The following AKAP12 variants were observed in gnomAD, a reference collection of about 807,000 sequenced individuals.
The protein encoded by AKAP12 is A-kinase anchor protein 12.
Under a neutral mutation model 79.9 loss-of-function variants are expected in AKAP12, and 32 were observed. That is an observed-to-expected ratio of 0.40 (90% CI 0.30 to 0.54). The LOEUF (loss-of-function observed/expected upper bound fraction) is 0.54, where lower values mean the gene tolerates loss of function less well. Ranked by LOEUF, AKAP12 falls within the 20% of genes least tolerant of loss-of-function variation. The pLI, the probability that AKAP12 is intolerant of heterozygous loss-of-function variation, is 0.48. For missense variants in AKAP12, 2,074 were observed against 2,177.0 expected (o/e 0.95, Z 0.94); for synonymous variants, 808 against 857.0 (o/e 0.94, Z 1.00).
intron 2 of AKAP12, among the ~76,000 whole-genome samples, chr6:151,258,516 T>G (rs2114694405): frequency 6.6e-6 from 1 of 152,332 alleles, no homozygotes; most frequent in African/African-American, 2.4e-5. Context: ...GAAGGTTGTT[T>G]CTTTGTAAAA....
At chr6:151,348,324 CAAAA>C (rs3029381) in intron 3 of AKAP12, 168,806 of 389,124 alleles carry the variant, frequency 0.43, 17,962 homozygotes, top group Non-Finnish European at 0.49. Context: ...GACTCTGTCT[CAAAA>C]AAAAAAAAAA....
intron 3 of AKAP12, chr6:151,348,246 G>T: frequency 5.2e-6 from 2 of 386,016 alleles, no homozygotes; most frequent in Non-Finnish European, 1.0e-5. Flanking sequence ...AGAATCACTT[G>T]AACCTAGGAC....
In AKAP12 at chr6:151,349,723, T is replaced by TGAA; in HGVS notation, c.1336_1338dup (p.Glu446dup). 1 of 1,613,916 alleles carries TGAA rather than the reference T, an allele frequency of 6.2e-7. No homozygotes were observed. Among genetic ancestry groups the TGAA allele is most frequent in the Non-Finnish European group, 8.5e-7 (1 of 1,179,992 alleles). ...AAGAAACAGCAGGGTCTGTGCCAGCTGAAGAATTGGTTGAAATGGATGCAG... is the reference window on the plus strand; with the variant it reads ...AAGAAACAGCAGGGTCTGTGCCAGCTGAAGAAGAATTGGTTGAAATGGATGCAG... On this transcript the variant is annotated inframe_insertion, in exon 4 of 5. Transcript: ENST00000402676.
At chr6:151,256,290 AGGG>A (rs1166809364) in intron 2 of AKAP12, among the ~76,000 whole-genome samples, 1 of 152,200 alleles carries the variant, frequency 6.6e-6, no homozygotes, top group Non-Finnish European at 1.5e-5. Context: ...AATCTTCAAA[AGGG>A]GAAATGGAAT....
At position 151,350,215 on chromosome 6, in the gene AKAP12, T is replaced by C. The variant is rs1023577313; in HGVS notation, c.1824T>C (p.Thr608=). Residue 608 remains threonine, a synonymous_variant, in exon 4 of 5, where the codon ACT becomes ACC. Coordinates refer to ENST00000402676, the MANE Select transcript of AKAP12 (RefSeq NM_005100.4). This position sits in a 1 kb window ranked among gnomAD's most constrained non-coding sequence, Gnocchi z 4.8. ...SDGEKKREGV[T]PWASFKKMVT... ...GAGAGAAAAAAAGAGAAGGTGTCAC[T>C]CCCTGGGCATCATTCAAAAAGATGG... is the stretch of plus-strand genomic sequence containing the variant. 2.5e-6 allele frequency: 4 copies of C among 1,613,634 alleles called. No individual in the cohort carries two copies. The highest frequency in any genetic ancestry group is 2.5e-6 in the Non-Finnish European group (3 of 1,179,932).
At chr6:151,251,023 A>G (rs539671253) in intron 2 of AKAP12, among the ~76,000 whole-genome samples, 79 of 152,324 alleles carry the variant, frequency 5.2e-4, no homozygotes, top group African/African-American at 1.8e-3. Flanking sequence ...GCCTTTCTAG[A>G]TGAAATATTC....
chr6:151,242,647 T>C (rs191337667), intron 2 of AKAP12, among the ~76,000 whole-genome samples: 83 of 152,352 alleles, frequency 5.4e-4, no homozygotes, highest in Non-Finnish European at 1.0e-3. Flanking sequence ...TCCCCTCTTC[T>C]TGTTAAGCTC....
intron 2 of AKAP12, among the ~76,000 whole-genome samples, chr6:151,244,856 C>T (rs917374649): frequency 3.3e-5 from 5 of 152,112 alleles, no homozygotes; most frequent in African/African-American, 9.7e-5. Flanking sequence ...TTTTGGGTAC[C>T]GATAGACTGC....
chr6:151,312,707 G>A (rs529958472), intron 3 of AKAP12, among the ~76,000 whole-genome samples: 57 of 149,096 alleles, frequency 3.8e-4, no homozygotes, highest in Admixed American at 1.6e-3. Flanking sequence ...CAGGAGAATC[G>A]CTTGAATCCG....
At position 151,351,848 on chromosome 6, in the gene AKAP12, G is replaced by C; in HGVS notation, c.3457G>C (p.Val1153Leu). The C allele has an allele frequency of 6.2e-7, 1 of 1,614,116 alleles. No individual in the cohort carries two copies. Among genetic ancestry groups the C allele is most frequent in the South Asian group, 1.1e-5 (1 of 91,070 alleles). ...TLAGVKSQEM[V>L]MEQAIPPDSV... ...AGCTGGGGTAAAATCACAGGAGATG[G>C]TGATGGAACAGGCTATCCCCCCTGA... The change falls in exon 4 of 5, where the codon GTG becomes CTG. Residue 1153 changes from valine (V) to leucine (L), a missense_variant. Val to Leu is a conservative substitution (Grantham distance 32). Coordinates refer to ENST00000402676, the MANE Select transcript of AKAP12 (RefSeq NM_005100.4). The surrounding 1 kb of genome is among the most constrained non-coding windows in gnomAD (Gnocchi z 4.4).
chr6:151,344,013 T>G (rs780868663), intron 3 of AKAP12: 1 of 421,150 alleles, frequency 2.4e-6, no homozygotes, highest in East Asian at 7.4e-5. Context: ...ACTTTCTCTT[T>G]GAATATTTGC....
At chr6:151,319,504 A>G in intron 3 of AKAP12, 1 of 120,218 alleles carries the variant, frequency 8.3e-6, no homozygotes, top group Non-Finnish European at 1.7e-5. Flanking sequence ...ATAACTATCT[A>G]GATATAGATA....
At chr6:151,253,153 A>C (rs1011493804) in intron 2 of AKAP12, among the ~76,000 whole-genome samples, 1 of 152,184 alleles carries the variant, frequency 6.6e-6, no homozygotes, top group African/African-American at 2.4e-5. Flanking sequence ...ACTTTTAGTG[A>C]AGACATGCTT....
chr6:151,334,501 A>G (rs1400539487), intron 3 of AKAP12, among the ~76,000 whole-genome samples: 2 of 151,704 alleles, frequency 1.3e-5, no homozygotes, highest in Admixed American at 1.3e-4. Flanking sequence ...AGGCTGAGGC[A>G]GGAGAATCGC....
intron 3 of AKAP12, among the ~76,000 whole-genome samples, chr6:151,342,086 A>T (rs1777967344): frequency 6.6e-6 from 1 of 152,216 alleles, no homozygotes. Flanking sequence ...GGCTGCGGTC[A>T]GCTGGGGAGG....
intron 2 of AKAP12, among the ~76,000 whole-genome samples, chr6:151,267,014 CAAAAAAAAAA>C (rs34974747): frequency 1.7e-4 from 6 of 35,340 alleles, no homozygotes; most frequent in Non-Finnish European, 2.6e-4. Flanking sequence ...GACTCCATCT[CAAAAAAAAAA>C]AAAAAAAAAA....
At chr6:151,344,903 G>T (rs561764955) in intron 3 of AKAP12, among the ~76,000 whole-genome samples, 1 of 152,184 alleles carries the variant, frequency 6.6e-6, no homozygotes, top group East Asian at 1.9e-4. Context: ...ATGGCAATTT[G>T]TAGACATAGA....
intron 2 of AKAP12, among the ~76,000 whole-genome samples, chr6:151,301,213 G>A (rs572092461): frequency 2.0e-4 from 31 of 152,298 alleles, no homozygotes; most frequent in African/African-American, 7.2e-4. Context: ...GGGCAGAGCT[G>A]TGTGTAAATC....
At chr6:151,308,681 C>G (rs1264744981) in intron 3 of AKAP12, among the ~76,000 whole-genome samples, 1 of 152,108 alleles carries the variant, frequency 6.6e-6, no homozygotes, top group African/African-American at 2.4e-5. Context: ...GGTCCAACTG[C>G]TATTCTCTTG....
Sources: allele counts gnomAD v4.1 joint callset (sites outside exome capture counted in the v4.1 genomes callset), GRCh38; gene constraint gnomAD v4.1.1; non-coding constraint Gnocchi (gnomAD v3.1); transcripts MANE v1.5; gene names NCBI Gene and HGNC (gene_info 2026-07-23, HGNC 2026-07-21).